The following BMP6 variants were observed in gnomAD, a reference collection of about 807,000 sequenced individuals.
The protein encoded by BMP6 is bone morphogenetic protein 6.
A neutral mutation model predicts 54.1 loss-of-function variants in BMP6; 17 were observed. That is an observed-to-expected ratio of 0.31 (90% CI 0.22 to 0.47). BMP6 has a LOEUF of 0.47. BMP6 is among the 20% of genes least tolerant of loss of function. The pLI is 1.00. For synonymous variants in BMP6, 328 were observed against 291.2 expected (o/e 1.13, Z -1.28); for missense variants, 720 against 690.4 (o/e 1.04, Z -0.48).
intron 1 of BMP6, among the ~76,000 whole-genome samples, chr6:7,835,792 CATA>C (rs1758865069): frequency 6.6e-6 from 1 of 152,104 alleles, no homozygotes; most frequent in African/African-American, 2.4e-5. Flanking sequence ...TACTAATTTC[CATA>C]ATGAGACATG....
At chr6:7,811,341 A>G (rs1391331602) in intron 1 of BMP6, among the ~76,000 whole-genome samples, 4 of 152,142 alleles carry the variant, frequency 2.6e-5, no homozygotes, top group Non-Finnish European at 4.4e-5. Context: ...CGGCTTCCCA[A>G]GCTCCTCTGG....
chr6:7,811,055 G>A (rs942039545), intron 1 of BMP6, among the ~76,000 whole-genome samples: 1 of 152,222 alleles, frequency 6.6e-6, no homozygotes, highest in African/African-American at 2.4e-5. Flanking sequence ...TGGCCTGATA[G>A]GTGCCCCATT....
chr6:7,860,054 A>G (rs1023361096), intron 2 of BMP6, among the ~76,000 whole-genome samples: 10 of 152,196 alleles, frequency 6.6e-5, no homozygotes, highest in African/African-American at 2.2e-4. Flanking sequence ...ATGAGACAGT[A>G]TGTTATTATG....
At chr6:7,734,601 A>G (rs887903262) in intron 1 of BMP6, among the ~76,000 whole-genome samples, 5 of 152,220 alleles carry the variant, frequency 3.3e-5, no homozygotes, top group African/African-American at 1.2e-4. Context: ...AGAAAATGCT[A>G]TGTATATCTA....
chr6:7,863,839 T>G (rs1214965951), intron 4 of BMP6, among the ~76,000 whole-genome samples: 1 of 151,962 alleles, frequency 6.6e-6, no homozygotes, highest in Non-Finnish European at 1.5e-5. Flanking sequence ...GCCAACGTGG[T>G]GAAACCCCAT....
intron 1 of BMP6, among the ~76,000 whole-genome samples, chr6:7,736,387 A>G (rs1434064167): frequency 6.6e-6 from 1 of 152,180 alleles, no homozygotes; most frequent in African/African-American, 2.4e-5. Context: ...ATTAGGGGAG[A>G]GGTTAAATAT....
chr6:7,843,443 CTTT>C (rs66907363), intron 1 of BMP6, among the ~76,000 whole-genome samples: 1 of 135,970 alleles, frequency 7.4e-6, no homozygotes, highest in Non-Finnish European at 1.6e-5. Context: ...TCTTTTCTTT[CTTT>C]TTTTTTTTTT....
chr6:7,853,628 C>T (rs1759178718), intron 2 of BMP6, among the ~76,000 whole-genome samples: 1 of 152,168 alleles, frequency 6.6e-6, no homozygotes, highest in Non-Finnish European at 1.5e-5. Flanking sequence ...AAAACCAAAG[C>T]CTTTTATCCC....
chr6:7,864,794 G>T (rs1319290644), intron 4 of BMP6, among the ~76,000 whole-genome samples: 1 of 152,224 alleles, frequency 6.6e-6, no homozygotes, highest in Non-Finnish European at 1.5e-5. Flanking sequence ...AACAGTCAGG[G>T]TTGGGGTTTT....
intron 1 of BMP6, among the ~76,000 whole-genome samples, chr6:7,772,124 T>G (rs919899119): frequency 1.6e-4 from 24 of 151,952 alleles, no homozygotes; most frequent in African/African-American, 5.6e-4. Flanking sequence ...TTCAACCTCT[T>G]AGGGTCATCC....
At chr6:7,775,528 A>G (rs1056872878) in intron 1 of BMP6, among the ~76,000 whole-genome samples, 6 of 152,222 alleles carry the variant, frequency 3.9e-5, no homozygotes, top group African/African-American at 1.4e-4. Context: ...TGTTTATTGT[A>G]ATGTAAGAAT....
At chr6:7,769,371 G>A (rs1042399600) in intron 1 of BMP6, among the ~76,000 whole-genome samples, 17 of 152,166 alleles carry the variant, frequency 1.1e-4, no homozygotes, top group Non-Finnish European at 2.1e-4. Flanking sequence ...AGGATGCCTG[G>A]GGGGGTGGGA....
At chr6:7,729,709 G>A (rs983474699) in intron 1 of BMP6, among the ~76,000 whole-genome samples, 1 of 152,152 alleles carries the variant, frequency 6.6e-6, no homozygotes, top group Non-Finnish European at 1.5e-5. Flanking sequence ...TGGATACATT[G>A]TCCCAGTAAG....
chr6:7,728,061 C>T (rs1337744942), intron 1 of BMP6, among the ~76,000 whole-genome samples: 2 of 152,184 alleles, frequency 1.3e-5, no homozygotes, highest in African/African-American at 4.8e-5. Flanking sequence ...CTTTTGCCCC[C>T]TAACTTGGAG....
At chr6:7,817,400 A>G (rs1008802313) in intron 1 of BMP6, among the ~76,000 whole-genome samples, 1 of 152,132 alleles carries the variant, frequency 6.6e-6, no homozygotes, top group East Asian at 1.9e-4. Context: ...CAACCATAAA[A>G]AAGGATGAGT....
chr6:7,760,648 A>G (rs1757598994), intron 1 of BMP6, among the ~76,000 whole-genome samples: 1 of 152,074 alleles, frequency 6.6e-6, no homozygotes. Context: ...TTGTATTTTT[A>G]GTAGAGATGG....
chr6:7,733,998 T>C (rs1761915922), intron 1 of BMP6, among the ~76,000 whole-genome samples: 1 of 152,236 alleles, frequency 6.6e-6, no homozygotes, highest in Admixed American at 6.5e-5. Context: ...TAGAAATCAG[T>C]AACACATTGT....
chr6:7,728,911 A>G (rs977753752), intron 1 of BMP6, among the ~76,000 whole-genome samples: 7 of 152,312 alleles, frequency 4.6e-5, no homozygotes, highest in African/African-American at 1.4e-4. Flanking sequence ...CAGCCTATCT[A>G]TGATTCCCAA....
intron 1 of BMP6, among the ~76,000 whole-genome samples, chr6:7,771,605 A>G (rs969208511): frequency 1.9e-4 from 29 of 152,320 alleles, no homozygotes; most frequent in African/African-American, 6.7e-4. Flanking sequence ...TTGACCCCAC[A>G]GCCTGTGTTG....
Sources: allele counts gnomAD v4.1 joint callset (sites outside exome capture counted in the v4.1 genomes callset), GRCh38; gene constraint gnomAD v4.1.1; transcripts MANE v1.5; gene names NCBI Gene and HGNC (gene_info 2026-07-23, HGNC 2026-07-21).